The following ADGRL3 variants were observed in gnomAD, a reference collection of about 807,000 sequenced individuals.
The protein encoded by ADGRL3 is adhesion G protein-coupled receptor L3.
Under a neutral mutation model 153.5 loss-of-function variants are expected in ADGRL3, and 62 were observed. The observed-to-expected ratio is 0.40, with a 90% CI of 0.33 to 0.50. The LOEUF (loss-of-function observed/expected upper bound fraction) is 0.50, where lower values mean the gene tolerates loss of function less well. Ranked by LOEUF, ADGRL3 falls within the 20% of genes least tolerant of loss-of-function variation. The pLI is 0.47. For missense variants in ADGRL3, 1,641 were observed against 1,859.4 expected, an observed-to-expected ratio of 0.88 and a Z score of 2.16; for synonymous variants, 710 against 672.5, an observed-to-expected ratio of 1.06 and a Z score of -0.86.
intron 9 of ADGRL3, among the ~76,000 whole-genome samples, chr4:61,822,341 G>A (rs1258361291): frequency 2.0e-5 from 3 of 151,980 alleles, no homozygotes; most frequent in Admixed American, 6.6e-5. Flanking sequence ...TATGTACCTT[G>A]TATCAAACAC....
At chr4:61,803,155 T>C (rs1462903231) in intron 8 of ADGRL3, among the ~76,000 whole-genome samples, 2 of 152,096 alleles carry the variant, frequency 1.3e-5, no homozygotes, top group Non-Finnish European at 2.9e-5. Flanking sequence ...TTTTTTTTTG[T>C]TTAAGCATAA....
At chr4:61,582,100 G>A (rs563685319) in intron 4 of ADGRL3, among the ~76,000 whole-genome samples, 7 of 152,090 alleles carry the variant, frequency 4.6e-5, no homozygotes, top group Admixed American at 3.3e-4. Flanking sequence ...TATAATTGTA[G>A]CAAACAGACA....
chr4:61,251,374 G>T (rs1560384729), intron 1 of ADGRL3, among the ~76,000 whole-genome samples: 1 of 152,150 alleles, frequency 6.6e-6, no homozygotes, highest in African/African-American at 2.4e-5. Context: ...GAAAGGGAAC[G>T]CTCGGAGAGC....
At chr4:61,355,672 T>C (rs1578405246) in intron 1 of ADGRL3, among the ~76,000 whole-genome samples, 1 of 152,090 alleles carries the variant, frequency 6.6e-6, no homozygotes, top group Non-Finnish European at 1.5e-5. Flanking sequence ...ACAGCAAACA[T>C]TGATCCACTC....
chr4:61,881,198 T>C (rs1404964062), intron 9 of ADGRL3, among the ~76,000 whole-genome samples: 1 of 152,222 alleles, frequency 6.6e-6, no homozygotes, highest in Non-Finnish European at 1.5e-5. Flanking sequence ...TTACATTTTA[T>C]CTGTTTATTA....
chr4:62,043,737 A>G (rs948689369), intron 24 of ADGRL3, among the ~76,000 whole-genome samples: 2 of 152,062 alleles, frequency 1.3e-5, no homozygotes, highest in Admixed American at 1.3e-4. Flanking sequence ...AAAAAAGAAA[A>G]AAATCCCCCA....
intron 1 of ADGRL3, among the ~76,000 whole-genome samples, chr4:61,360,905 G>A (rs2096272586): frequency 6.6e-6 from 1 of 152,130 alleles, no homozygotes; most frequent in Non-Finnish European, 1.5e-5. Context: ...ATGTGTCTGT[G>A]TTGTCTCACT....
Position 61,432,590 on chromosome 4 carries a change from CT to C in ADGRL3, c.-174+49404del, listed in dbSNP as rs796141242. Among the ~76,000 whole-genome samples the C allele has an allele frequency of 2.8e-4, 3 of 10,664 alleles. 1 individual carries two copies. The highest frequency in any genetic ancestry group is 8.2e-4 in the African/African-American group (3 of 3,642). The allele number at this position is 10,664 out of a possible 152,430, so 7.0% of individuals were successfully genotyped here. Reference sequence around the variant, plus strand: ...TTTCTCTTCCTTTCTTTCTTTCTTTCTTTCTTTCTTTCTTTCTTTCTTTCTT... The same window carrying C: ...TTTCTCTTCCTTTCTTTCTTTCTTTCTTCTTTCTTTCTTTCTTTCTTTCTT... On this transcript the variant is annotated intron_variant, in intron 2 of 26. Transcript: ENST00000683033.
intron 10 of ADGRL3, among the ~76,000 whole-genome samples, chr4:61,893,877 C>A (rs1283540201): frequency 6.6e-6 from 1 of 151,426 alleles, no homozygotes; most frequent in Non-Finnish European, 1.5e-5. Context: ...CCGGCTAATT[C>A]TTTTTTGTAT....
intron 6 of ADGRL3, among the ~76,000 whole-genome samples, chr4:61,722,469 G>A (rs559884274): frequency 7.9e-5 from 12 of 152,272 alleles, no homozygotes; most frequent in African/African-American, 2.9e-4. Context: ...GGAATACTCT[G>A]TCACTTTGTA....
intron 2 of ADGRL3, among the ~76,000 whole-genome samples, chr4:61,483,897 C>T (rs1374116816): frequency 6.6e-6 from 1 of 150,480 alleles, no homozygotes; most frequent in Non-Finnish European, 1.5e-5. Context: ...ACGTTAATAA[C>T]TAAGTATAGT....
chr4:61,256,684 G>T, intron 1 of ADGRL3, among the ~76,000 whole-genome samples: 1 of 152,140 alleles, frequency 6.6e-6, no homozygotes, highest in Non-Finnish European at 1.5e-5. Flanking sequence ...TTCGCTTTAT[G>T]TTAATTTTTA....
chr4:61,496,915 G>A (rs1199086162), intron 2 of ADGRL3, among the ~76,000 whole-genome samples: 3 of 148,898 alleles, frequency 2.0e-5, no homozygotes, highest in East Asian at 2.0e-4. Context: ...CACTCCAGCC[G>A]GGGCGACAGA....
In ADGRL3 at chr4:61,986,301, A is replaced by G. The variant is rs752648336; in HGVS notation, c.3236+2698A>G. Among the ~76,000 whole-genome samples the G allele has an allele frequency of 3.7e-4, 57 of 152,108 alleles. 1 individual carries two copies. Among genetic ancestry groups the G allele is most frequent in the Non-Finnish European group, 5.0e-4 (34 of 68,002 alleles). On this transcript the variant is annotated intron_variant, in intron 19 of 26. Coordinates refer to ENST00000683033, the MANE Select transcript of ADGRL3 (RefSeq NM_001387552.1). Reference sequence around the variant, plus strand: ...TTGCTCTCTTGAAGTTCCAAATTACATTTTTCTTTTACATCAATTTTTTTC... The same window carrying G: ...TTGCTCTCTTGAAGTTCCAAATTACGTTTTTCTTTTACATCAATTTTTTTC...
chr4:61,929,000 G>A (rs992634424), intron 13 of ADGRL3, among the ~76,000 whole-genome samples: 3 of 152,062 alleles, frequency 2.0e-5, no homozygotes, highest in Non-Finnish European at 4.4e-5. Context: ...ATAGTCTGGT[G>A]AGAAAATCAG....
At chr4:61,313,564 CTG>C (rs1314234994) in intron 1 of ADGRL3, among the ~76,000 whole-genome samples, 1 of 152,142 alleles carries the variant, frequency 6.6e-6, no homozygotes, top group African/African-American at 2.4e-5. Flanking sequence ...ATTTTGGAAA[CTG>C]TGATCTTAAG....
chr4:61,605,177 T>G (rs995567433), intron 5 of ADGRL3, among the ~76,000 whole-genome samples: 1 of 150,582 alleles, frequency 6.6e-6, no homozygotes, highest in Non-Finnish European at 1.5e-5. Context: ...ATTAGAAAAT[T>G]TGTATTATAA....
rs116150013 is a variant in ADGRL3, at chr4:61,396,778, T to C, written c.-174+13589T>C. On this transcript the variant is annotated intron_variant, in intron 2 of 26. Transcript: ENST00000683033. The stretch of plus-strand genomic sequence containing the variant: ...TTTTTTTCCAGCAAATGGATTCATT[T>C]ATAATTCAATGCTAATAACATGTAT... Among the ~76,000 whole-genome samples the C allele has an allele frequency of 1.8e-3, 274 of 152,008 alleles. 2 individuals are homozygous for C. The highest frequency in any genetic ancestry group is 6.4e-3 in the African/African-American group (265 of 41,532).
chr4:61,439,788 G>C (rs2097504924), intron 2 of ADGRL3, among the ~76,000 whole-genome samples: 1 of 152,054 alleles, frequency 6.6e-6, no homozygotes, highest in Non-Finnish European at 1.5e-5. Context: ...ATTTTAATAA[G>C]ATGACCTTGG....
Sources: allele counts gnomAD v4.1 joint callset (sites outside exome capture counted in the v4.1 genomes callset), GRCh38; gene constraint gnomAD v4.1.1; transcripts MANE v1.5; gene names NCBI Gene and HGNC (gene_info 2026-07-23, HGNC 2026-07-21).